Variants in UBE2D4 observed in about 807,000 individuals in gnomAD.
UBE2D4 encodes the protein ubiquitin-conjugating enzyme E2 D4.
In UBE2D4, 17 loss-of-function variants were observed where a neutral mutation model predicts 23.0. The observed-to-expected ratio is 0.74, with a 90% CI of 0.51 to 1.11. The LOEUF (loss-of-function observed/expected upper bound fraction) is 1.11, where lower values mean the gene tolerates loss of function less well. UBE2D4 is among the 50% of genes least tolerant of loss of function. The pLI is 0.00. For missense variants in UBE2D4, 139 were observed against 181.8 expected (o/e 0.76, Z 1.35); for synonymous variants, 61 against 69.4 (o/e 0.88, Z 0.60).
At position 43,938,415 on chromosome 7, in the gene UBE2D4, C is replaced by T; in HGVS notation, c.25-16C>T. ...CCCAGCATACAGCAGCTCTGACCCA[C>T]TCTCTCATGTTCTAGGAATTAACCG... On this transcript the variant is annotated splice_polypyrimidine_tract_variant and intron_variant, in intron 1 of 6. Coordinates refer to ENST00000222402, the MANE Select transcript of UBE2D4 (RefSeq NM_015983.4). The T allele has an allele frequency of 5.0e-6, 8 of 1,613,634 alleles. No individual in the cohort carries two copies. Among genetic ancestry groups the T allele is most frequent in the Non-Finnish European group, 6.8e-6 (8 of 1,179,644 alleles).
chr7:43,930,813 C>T lies in UBE2D4; in HGVS notation c.24+4257C>T, dbSNP rs962723166. 2.0e-5 allele frequency among the ~76,000 whole-genome samples: 3 copies of T among 151,904 alleles called. No homozygotes were observed. In the South Asian group the frequency reaches 6.2e-4, roughly 32 times the overall value. ...TTAATGGTTTTTTTTCTCTTTGATA[C>T]GTGTATTAGTCCATTCTTGCATTGC... On this transcript the variant is annotated intron_variant, in intron 1 of 6. Coordinates refer to ENST00000222402, the MANE Select transcript of UBE2D4 (RefSeq NM_015983.4).
intron 1 of UBE2D4, among the ~76,000 whole-genome samples, chr7:43,932,217 C>T (rs928112231): frequency 1.3e-5 from 2 of 151,416 alleles, no homozygotes; most frequent in Non-Finnish European, 2.9e-5. Flanking sequence ...TCTCGATCTC[C>T]TGACCTCGTG....
At chr7:43,937,032 C>A (rs963761758) in intron 1 of UBE2D4, among the ~76,000 whole-genome samples, 5 of 152,182 alleles carry the variant, frequency 3.3e-5, no homozygotes, top group African/African-American at 9.7e-5. Flanking sequence ...CAATAGGGAT[C>A]CACACGTGGC....
In UBE2D4 at chr7:43,950,630, C is replaced by A; in HGVS notation, c.336C>A (p.Asp112Glu). Residue 112 changes from aspartate to glutamate, a missense_variant, in exon 6 of 7, where the codon GAC becomes GAA. By Grantham distance (45) the Asp-to-Glu change is conservative (BLOSUM62 2). Coordinates refer to ENST00000222402, the MANE Select transcript of UBE2D4 (RefSeq NM_015983.4). The part of the protein sequence containing the change: ...VLLSICSLLC[D>E]PNPDDPLVPE... ...TGTCCATCTGCTCGCTGCTCTGCGA[C>A]CCCAACCCCGATGACCCCCTGGTGC... The A allele has an allele frequency of 6.2e-7, 1 of 1,614,232 alleles. No individual in the cohort carries two copies. Among genetic ancestry groups the A allele is most frequent in the Non-Finnish European group, 8.5e-7 (1 of 1,180,030 alleles).
rs572330680 is a variant in UBE2D4 at position 43,938,429 on chromosome 7, A to G, written c.25-2A>G. 6 of 1,613,958 alleles carry G rather than the reference A, an allele frequency of 3.7e-6. No individual in the cohort carries two copies. Among genetic ancestry groups the G allele is most frequent in the Middle Eastern group, 1.7e-4 (1 of 6,038 alleles). ...GCTCTGACCCACTCTCTCATGTTCT[A>G]GGAATTAACCGACTTGCAGAGGGAT... On this transcript the variant is annotated splice_acceptor_variant, in intron 1 of 6. Transcript: ENST00000222402. LOFTEE classifies it high-confidence loss of function.
At position 43,951,160 on chromosome 7, in the gene UBE2D4, G is replaced by C. The variant is rs1231580038; in HGVS notation, c.398+468G>C. On this transcript the variant is annotated intron_variant, in intron 6 of 6. Transcript: ENST00000222402. ...CTGCTGTGGTCAGTTCGCTGGCTCA[G>C]CTCAGAAGTCAGCAGTGTGTTAGAC... Among the ~76,000 whole-genome samples the C allele has an allele frequency of 2.6e-5, 4 of 152,214 alleles. No individual in the cohort carries two copies. The South Asian group carries it at 6.2e-4, about 24-fold the overall frequency.
intron 5 of UBE2D4, among the ~76,000 whole-genome samples, chr7:43,949,721 C>T (rs1184717267): frequency 6.6e-6 from 1 of 152,206 alleles, no homozygotes; most frequent in African/African-American, 2.4e-5. Flanking sequence ...TCCTTCTGCT[C>T]CTCACCACAG....
chr7:43,936,082 A>G (rs1247058294), intron 1 of UBE2D4, among the ~76,000 whole-genome samples: 1 of 152,230 alleles, frequency 6.6e-6, no homozygotes, highest in Non-Finnish European at 1.5e-5. Context: ...CATGTTGGCC[A>G]AACTGGTCTC....
intron 1 of UBE2D4, among the ~76,000 whole-genome samples, chr7:43,936,799 G>C (rs1178688750): frequency 6.6e-6 from 1 of 152,184 alleles, no homozygotes; most frequent in African/African-American, 2.4e-5. Flanking sequence ...CCGGCAAGTT[G>C]GCAGGCAAGT....
chr7:43,933,055 TAAC>T (rs1429485894), intron 1 of UBE2D4, among the ~76,000 whole-genome samples: 9 of 145,594 alleles, frequency 6.2e-5, no homozygotes, highest in African/African-American at 2.3e-4. Flanking sequence ...TGTATATATA[TAAC>T]ATATATACAC....
chr7:43,938,484 C>T lies in UBE2D4; in HGVS notation c.78C>T (p.Val26=), dbSNP rs375627432. The part of the protein sequence containing the change: ...DPPAQCSAGP[V]GDDLFHWQAT... ...CTGCCCAGTGTTCTGCAGGACCTGTCGGTGATGACTGTAAGTATTTTGGGG... is the reference window on the plus strand; with the variant it reads ...CTGCCCAGTGTTCTGCAGGACCTGTTGGTGATGACTGTAAGTATTTTGGGG... Residue 26 remains valine (V), a synonymous_variant, in exon 2 of 7, where the codon GTC becomes GTT. Transcript: ENST00000222402. The T allele has an allele frequency of 4.6e-5, 75 of 1,613,888 alleles. No individual in the cohort carries two copies. Among genetic ancestry groups the T allele is most frequent in the African/African-American group, 9.3e-5 (7 of 74,912 alleles).
chr7:43,948,780 G>A (rs367927464), intron 5 of UBE2D4, 43 bp downstream of exon 5: 4 of 1,449,266 alleles, frequency 2.8e-6, no homozygotes, highest in Non-Finnish European at 3.9e-6. Context: ...TTTTACACAT[G>A]TTTTTACCCC....
At chr7:43,951,103 G>T (rs1039176896) in intron 6 of UBE2D4, among the ~76,000 whole-genome samples, 6 of 152,248 alleles carry the variant, frequency 3.9e-5, no homozygotes, top group African/African-American at 1.2e-4. Context: ...CTATACCGAA[G>T]GTGAGGCTGA....
rs978303529 is a variant in UBE2D4 at position 43,952,709 on chromosome 7, T to A, written c.*14T>A. On this transcript the variant is annotated 3_prime_UTR_variant, in exon 7 of 7. Coordinates refer to ENST00000222402, the MANE Select transcript of UBE2D4 (RefSeq NM_015983.4). ...TATGCTATGTAAGTGCCTTGGAGGT[T>A]TTACATGAGACACTGTCCAAGAGAA... The A allele has an allele frequency of 6.2e-7, 1 of 1,609,208 alleles. No individual in the cohort carries two copies. The highest frequency in any genetic ancestry group is 1.3e-5 in the African/African-American group (1 of 74,798).
intron 4 of UBE2D4, 122 bp from the exon 5 acceptor site, chr7:43,948,510 C>T: frequency 3.0e-6 from 2 of 664,362 alleles, no homozygotes; most frequent in African/African-American, 1.8e-5. Flanking sequence ...TTAGCCTGCA[C>T]TGTGGGGCCA....
intron 1 of UBE2D4, among the ~76,000 whole-genome samples, chr7:43,936,593 A>G (rs1296309102): frequency 6.6e-6 from 1 of 152,218 alleles, no homozygotes; most frequent in Non-Finnish European, 1.5e-5. Flanking sequence ...CTAGCCATCC[A>G]GTTCCCCTCC....
At chr7:43,929,298 A>C (rs1162931133) in intron 1 of UBE2D4, among the ~76,000 whole-genome samples, 1 of 151,990 alleles carries the variant, frequency 6.6e-6, no homozygotes, top group Non-Finnish European at 1.5e-5. Flanking sequence ...ATGGTGGTGC[A>C]TGCCTGTAAT....
chr7:43,928,093 G>C (rs1284678415), intron 1 of UBE2D4: 2 of 453,248 alleles, frequency 4.4e-6, no homozygotes, highest in African/African-American at 4.0e-5. Context: ...AAGCAAAGGA[G>C]AAGCAGGCGT....
At chr7:43,934,453 C>CTTT (rs36122809) in intron 1 of UBE2D4, among the ~76,000 whole-genome samples, 8,873 of 142,190 alleles carry the variant, frequency 0.062, 811 homozygotes, top group African/African-American at 0.19. Flanking sequence ...CTTGTTTTTC[C>CTTT]TTTTTTTTTT....
Sources: gnomAD v4.1 joint callset for allele counts (sites outside exome capture counted in the v4.1 genomes callset) on GRCh38, gnomAD v4.1.1 for gene constraint, MANE v1.5 for transcripts, NCBI Gene and HGNC (gene_info 2026-07-23, HGNC 2026-07-21) for gene names.